KIF18A: variants seen among roughly 807,000 people sequenced by gnomAD.
KIF18A encodes the protein kinesin-like protein KIF18A.
Under a neutral mutation model 103.3 loss-of-function variants are expected in KIF18A, and 67 were observed. That is an observed-to-expected ratio of 0.65 (90% CI 0.53 to 0.79). KIF18A has a LOEUF of 0.79. Among genes scored for constraint, KIF18A ranks in the 30% least tolerant of loss-of-function variants. The pLI, the probability that KIF18A is intolerant of heterozygous loss-of-function variation, is 0.00. For missense variants in KIF18A, 1,032 were observed against 1,062.5 expected (o/e 0.97, Z 0.40); for synonymous variants, 367 against 355.5 (o/e 1.03, Z -0.36).
chr11:28,063,272 C>G (rs576261963), intron 11 of KIF18A, among the ~76,000 whole-genome samples: 18 of 152,012 alleles, frequency 1.2e-4, no homozygotes, highest in Admixed American at 9.2e-4. Context: ...ATCAGATGAT[C>G]TCTTCAGTCC....
rs565558096 is a variant in KIF18A, at chr11:28,036,099, A to C, written c.2396+118T>G. The C allele has an allele frequency of 1.1e-5, 7 of 619,136 alleles. No homozygotes were observed. In the Admixed American group the frequency reaches 1.9e-4, roughly 17 times the overall value. The allele number at this position is 619,136 out of a possible 1,614,324, so 38.4% of individuals were successfully genotyped here. A position where few individuals can be genotyped will look rare whatever the true frequency, so the allele number is the denominator to read the frequency against. On this transcript the variant is annotated intron_variant, in intron 14 of 16. Coordinates refer to ENST00000263181, the MANE Select transcript of KIF18A (RefSeq NM_031217.4). ...GAGAAAGATAATTAAAATTTAATGA[A>C]AATAAAACAGACTGTTTTATAATCA...
chr11:28,067,313 G>T (rs1006005527), intron 11 of KIF18A, among the ~76,000 whole-genome samples: 1 of 152,068 alleles, frequency 6.6e-6, no homozygotes, highest in East Asian at 1.9e-4. Context: ...ATTTTGAGGT[G>T]CAGATTAAAT....
intron 9 of KIF18A, among the ~76,000 whole-genome samples, chr11:28,082,155 C>A (rs1446883834): frequency 1.3e-5 from 2 of 152,082 alleles, no homozygotes; most frequent in East Asian, 3.8e-4. Flanking sequence ...AAGATGCTAT[C>A]TACGTTGAAA....
At chr11:28,107,426 T>G (rs1851541996) in intron 1 of KIF18A, among the ~76,000 whole-genome samples, 1 of 151,830 alleles carries the variant, frequency 6.6e-6, no homozygotes, top group South Asian at 2.1e-4. Context: ...ATAGGACTGA[T>G]TCTAAATGTT....
intron 15 of KIF18A, among the ~76,000 whole-genome samples, chr11:28,024,942 T>C (rs1330528071): frequency 1.3e-5 from 2 of 152,084 alleles, no homozygotes; most frequent in East Asian, 3.9e-4. Context: ...ATATATACTA[T>C]GTATTCTCCT....
Position 28,105,902 on chromosome 11 carries a change from A to G in KIF18A, c.-47+2162T>C, listed in dbSNP as rs762972186. On this transcript the variant is annotated intron_variant, in intron 1 of 16. Coordinates refer to ENST00000263181, the MANE Select transcript of KIF18A (RefSeq NM_031217.4). ...ACATTCGTCATTGCATTCAATCCTT[A>G]TAATAATCACGTAAGGTAGGTTGTA... is the stretch of plus-strand genomic sequence containing the variant. Among the ~76,000 whole-genome samples the G allele has an allele frequency of 3.3e-5, 5 of 152,360 alleles. No individual in the cohort carries two copies. The South Asian group carries it at 8.3e-4, about 25-fold the overall frequency.
At chr11:28,021,583 G>T (rs1337876522) in intron 16 of KIF18A, among the ~76,000 whole-genome samples, 4 of 152,240 alleles carry the variant, frequency 2.6e-5, no homozygotes, top group African/African-American at 4.8e-5. Flanking sequence ...ACTAATAAAA[G>T]ACCATTTCTA....
At chr11:28,032,229 A>T (rs1850420134) in intron 15 of KIF18A, among the ~76,000 whole-genome samples, 2 of 152,018 alleles carry the variant, frequency 1.3e-5, no homozygotes, top group African/African-American at 4.8e-5. Context: ...GATACAAAAA[A>T]ATAGAAAGAT....
Position 28,069,435 on chromosome 11 carries a change from T to C in KIF18A, c.1426-12A>G, listed in dbSNP as rs1850981568. 5 of 1,608,096 alleles carry C rather than the reference T, an allele frequency of 3.1e-6. No individual in the cohort carries two copies. Among genetic ancestry groups the C allele is most frequent in the Non-Finnish European group, 4.2e-6 (5 of 1,177,700 alleles). On this transcript the variant is annotated splice_polypyrimidine_tract_variant and intron_variant, in intron 10 of 16. Transcript: ENST00000263181. ...CGTTTTCCAGTGGCCTGAAACACGA[T>C]TCATTTAACAGTAAATCTAATTTTT...
intron 10 of KIF18A, among the ~76,000 whole-genome samples, chr11:28,072,584 T>C (rs946967001): frequency 6.6e-6 from 1 of 152,138 alleles, no homozygotes; most frequent in Non-Finnish European, 1.5e-5. Flanking sequence ...CCTATGTTTT[T>C]CAGTGGGTTA....
intron 15 of KIF18A, among the ~76,000 whole-genome samples, chr11:28,025,699 T>C (rs1850309635): frequency 6.6e-6 from 1 of 151,940 alleles, no homozygotes; most frequent in South Asian, 2.1e-4. Context: ...ATGTTGTAGG[T>C]CATAAACTAC....
Position 28,083,156 on chromosome 11 carries a change from T to C in KIF18A, c.1149+13A>G. 6.4e-7 allele frequency: 1 copy of C among 1,574,368 alleles called. No homozygotes were observed. Among genetic ancestry groups the C allele is most frequent in the Non-Finnish European group, 8.6e-7 (1 of 1,168,796 alleles). On this transcript the variant is annotated intron_variant, in intron 8 of 16. Transcript: ENST00000263181. ...ACTGCGCAAGACTAGCATAAAAATA[T>C]AAACAGACATACCTCTGCCTTCTGC... is the stretch of plus-strand genomic sequence containing the variant.
chr11:28,027,196 C>G (rs867536903), intron 15 of KIF18A, among the ~76,000 whole-genome samples: 3 of 151,684 alleles, frequency 2.0e-5, no homozygotes, highest in Non-Finnish European at 3.0e-5. Flanking sequence ...CTTTTCTCCC[C>G]ATAATCACAT....
intron 10 of KIF18A, 54 bp from the exon 11 acceptor site, chr11:28,069,477 A>C: frequency 6.6e-7 from 1 of 1,503,920 alleles, no homozygotes; most frequent in Non-Finnish European, 9.1e-7. Flanking sequence ...TTTGATGTAC[A>C]TGATATTAGT....
At chr11:28,047,310 C>A (rs1022872570) in intron 13 of KIF18A, among the ~76,000 whole-genome samples, 1 of 152,084 alleles carries the variant, frequency 6.6e-6, no homozygotes, top group African/African-American at 2.4e-5. Flanking sequence ...AACTTACACA[C>A]AAATGTTTCC....
In KIF18A at chr11:28,036,634, T is replaced by C. The variant is rs761897304; in HGVS notation, c.1979A>G (p.Lys660Arg). ...CSSSGGTNLV[K>R]IPTEKRTRRK... ...CCGAGTTCTTTTTTCTGTAGGAATC[T>C]TAACCAGATTAGTTCCACCTGAAGA... is the stretch of plus-strand genomic sequence containing the variant. The change falls in exon 14 of 17, where the codon AAG becomes AGG. Residue 660 changes from lysine to arginine, a missense_variant. Physicochemically the swap from Lys to Arg is conservative, Grantham distance 26 (BLOSUM62 2). Transcript: ENST00000263181. 1.2e-6 allele frequency: 2 copies of C among 1,608,526 alleles called. No individual in the cohort carries two copies. Among genetic ancestry groups the C allele is most frequent in the South Asian group, 2.2e-5 (2 of 90,588 alleles).
At chr11:28,075,465 T>A (rs1851076818) in intron 10 of KIF18A, among the ~76,000 whole-genome samples, 1 of 152,214 alleles carries the variant, frequency 6.6e-6, no homozygotes, top group Admixed American at 6.5e-5. Context: ...TAACATTTTC[T>A]GATATTGTAT....
Position 28,076,961 on chromosome 11 carries a change from C to T in KIF18A, c.1425+46G>A, listed in dbSNP as rs1421576436. 11 of 950,330 alleles carry T rather than the reference C, an allele frequency of 1.2e-5. No individual in the cohort carries two copies. The Admixed American group carries it at 4.3e-4, about 37-fold the overall frequency. The allele number at this position is 950,330 out of a possible 1,614,324, so 58.9% of individuals were successfully genotyped here. A position where few individuals can be genotyped will look rare whatever the true frequency, so the allele number is the denominator to read the frequency against. On this transcript the variant is annotated intron_variant, in intron 10 of 16. Transcript: ENST00000263181. ...AAAAAAAAAAAAAAAAAAAAGCCCC[C>T]ATGTTTTTATACTTTCTAAAATTTA...
chr11:28,088,220 A>T (rs998749700), intron 6 of KIF18A, among the ~76,000 whole-genome samples: 4 of 152,170 alleles, frequency 2.6e-5, no homozygotes, highest in African/African-American at 9.6e-5. Context: ...CTGTGTAGTG[A>T]TCACTTTAAA....
Sources: allele counts gnomAD v4.1 joint callset (sites outside exome capture counted in the v4.1 genomes callset), GRCh38; gene constraint gnomAD v4.1.1; transcripts MANE v1.5; gene names NCBI Gene and HGNC (gene_info 2026-07-23, HGNC 2026-07-21).